DPEP3: variants seen among roughly 807,000 people sequenced by gnomAD.
The protein encoded by DPEP3 is dipeptidase 3.
In DPEP3, 42 loss-of-function variants were observed where a neutral mutation model predicts 47.5. The observed-to-expected ratio is 0.88, with a 90% CI of 0.69 to 1.14. The LOEUF (loss-of-function observed/expected upper bound fraction) is 1.14. DPEP3 is among the 50% of genes most tolerant of loss of function. The pLI is 0.00. For missense variants in DPEP3, 560 were observed against 635.0 expected, an observed-to-expected ratio of 0.88 and a Z score of 1.27; for synonymous variants, 276 against 270.2, an observed-to-expected ratio of 1.02 and a Z score of -0.21.
Position 67,976,287 on chromosome 16 carries a change from C to T in DPEP3, c.1095-59G>A, listed in dbSNP as rs575587348. On this transcript the variant is annotated intron_variant, in intron 8 of 9. Coordinates refer to ENST00000268793, the MANE Select transcript of DPEP3 (RefSeq NM_001370198.1). ...TTAGCCCTGATCCTGGGTTGGGGCC[C>T]GCTGCCCACCAGCCCTAGTCACACA... is the stretch of plus-strand genomic sequence containing the variant. The T allele has an allele frequency of 1.0e-4, 162 of 1,601,028 alleles. No homozygotes were observed. The African/African-American group carries it at 1.8e-3, about 17-fold the overall frequency.
rs1051639223 is a variant in DPEP3, at chr16:67,978,865, C to T, written c.415-239G>A. Among the ~76,000 whole-genome samples the T allele has an allele frequency of 1.3e-5, 2 of 152,064 alleles. No homozygotes were observed. The highest frequency in any genetic ancestry group is 4.8e-5 in the African/African-American group (2 of 41,400). On this transcript the variant is annotated intron_variant, in intron 2 of 9. Transcript: ENST00000268793. The surrounding 1 kb of genome is among the most constrained non-coding windows in gnomAD (Gnocchi z 4.4). ...AGAGTGCAGTGGTGTGATCATGGCT[C>T]ACTGCAGCCTTGACCCCCCAGGCTC... is the stretch of plus-strand genomic sequence containing the variant.
chr16:67,980,496 C>G lies in DPEP3; in HGVS notation c.-116G>C. 1 of 1,427,378 alleles carries G rather than the reference C, an allele frequency of 7.0e-7. No individual in the cohort carries two copies. The highest frequency in any genetic ancestry group is 9.2e-7 in the Non-Finnish European group (1 of 1,090,852). 88.4% of individuals were successfully genotyped at this position (1,427,378 alleles called of 1,614,324 possible). A position where few individuals can be genotyped will look rare whatever the true frequency, so the allele number is the denominator to read the frequency against. On this transcript the variant is annotated 5_prime_UTR_variant, in exon 1 of 10. Transcript: ENST00000268793. The stretch of plus-strand genomic sequence containing the variant: ...CGAAGAGGGGGTTGAAGTCACGCGA[C>G]TCTGAGACCGACGCGCCACGCAAGG...
rs377442395 is a variant in DPEP3, at chr16:67,978,714, C to G, written c.415-88G>C. 3 of 1,537,998 alleles carry G rather than the reference C, an allele frequency of 2.0e-6. No individual in the cohort carries two copies. The highest frequency in any genetic ancestry group is 2.7e-5 in the African/African-American group (2 of 73,164). On this transcript the variant is annotated intron_variant, in intron 2 of 9. Coordinates refer to ENST00000268793, the MANE Select transcript of DPEP3 (RefSeq NM_001370198.1). This position sits in a 1 kb window ranked among gnomAD's most constrained non-coding sequence, Gnocchi z 4.4. ...ACTCCTGCCTCAGACCCCATAACAC[C>G]CATTTGGGTCAGTGGCCCCAAGTGA...
chr16:67,980,224 T>G lies in DPEP3; in HGVS notation c.157A>C (p.Ser53Arg), dbSNP rs566313530. The change falls in exon 1 of 10, where the codon AGC becomes CGC. Residue 53 changes from serine (S) to arginine (R), a missense_variant. By Grantham distance (110) the Ser-to-Arg change is moderately radical. Transcript: ENST00000268793. Reference sequence around the variant, plus strand: ...GGGACACCCGGCGTGGTGAAGAGGCTGGGGGAGCCCAGCGTGGAGAGGGCT... The same window carrying G: ...GGGACACCCGGCGTGGTGAAGAGGCGGGGGGAGCCCAGCGTGGAGAGGGCT... ...PRALSTLGSP[S>R]LFTTPGVPSA... 6.2e-7 allele frequency: 1 copy of G among 1,609,680 alleles called. No homozygotes were observed. The highest frequency in any genetic ancestry group is 1.3e-5 in the African/African-American group (1 of 74,898).
intron 7 of DPEP3, 68 bp from the exon 8 acceptor site, chr16:67,976,843 C>T: frequency 1.4e-6 from 2 of 1,391,810 alleles, no homozygotes; most frequent in Non-Finnish European, 2.0e-6. Context: ...GTCCCCAGCA[C>T]TCCAGGCTGT....
chr16:67,977,866 G>A, intron 5 of DPEP3, 37 bp from the exon 6 acceptor site: 1 of 1,613,808 alleles, frequency 6.2e-7, no homozygotes, highest in Non-Finnish European at 8.5e-7. Flanking sequence ...GGGGGAGGGT[G>A]TTGGGGTGCA....
chr16:67,980,168 C>T lies in DPEP3; in HGVS notation c.213G>A (p.Thr71=). The change falls in exon 1 of 10, where the codon ACG becomes ACA. Residue 71 remains threonine (T), a synonymous_variant. Transcript: ENST00000268793. ...GGTCCAGGGTTTTGGGGGTGCCTGG[C>T]GTAGTGAGGCCTGGGGTAGTGAGGG... ...PSALTTPGLT[T]PGTPKTLDLR... The T allele has an allele frequency of 3.7e-6, 6 of 1,611,860 alleles. No individual in the cohort carries two copies. Among genetic ancestry groups the T allele is most frequent in the Non-Finnish European group, 4.2e-6 (5 of 1,179,082 alleles).
At position 67,975,677 on chromosome 16, in the gene DPEP3, G is replaced by A; in HGVS notation, c.*88C>T. On this transcript the variant is annotated 3_prime_UTR_variant, in exon 10 of 10. Transcript: ENST00000268793. Reference sequence around the variant, plus strand: ...GTGCACCTGGCTCCATGTGTAACATGTTTATTCTCAGCATATGCTTGTGAA... The same window carrying A: ...GTGCACCTGGCTCCATGTGTAACATATTTATTCTCAGCATATGCTTGTGAA... 1 of 1,307,588 alleles carries A rather than the reference G, an allele frequency of 7.6e-7. No individual in the cohort carries two copies. Among genetic ancestry groups the A allele is most frequent in the South Asian group, 1.4e-5 (1 of 72,642 alleles). 81.0% of individuals were successfully genotyped at this position (1,307,588 alleles called of 1,614,324 possible).
In DPEP3 at chr16:67,978,230, C is replaced by T; in HGVS notation, c.686+37G>A. 1 of 1,613,286 alleles carries T rather than the reference C, an allele frequency of 6.2e-7. No homozygotes were observed. The highest frequency in any genetic ancestry group is 2.2e-5 in the East Asian group (1 of 44,876). On this transcript the variant is annotated intron_variant, in intron 4 of 9. Transcript: ENST00000268793. This position sits in a 1 kb window ranked among gnomAD's most constrained non-coding sequence, Gnocchi z 4.4. ...GCCAGGAATGGGGCAGTTTCCACAC[C>T]ATGCCATCTAGCATCCTGGCCAGGT...
At position 67,978,236 on chromosome 16, in the gene DPEP3, A is replaced by G. The variant is rs757170907; in HGVS notation, c.686+31T>C. On this transcript the variant is annotated intron_variant, in intron 4 of 9. Transcript: ENST00000268793. The surrounding 1 kb of genome is among the most constrained non-coding windows in gnomAD (Gnocchi z 4.4). ...AATGGGGCAGTTTCCACACCATGCCATCTAGCATCCTGGCCAGGTGTTATG... is the reference window on the plus strand; with the variant it reads ...AATGGGGCAGTTTCCACACCATGCCGTCTAGCATCCTGGCCAGGTGTTATG... 2.7e-5 allele frequency: 44 copies of G among 1,613,604 alleles called. No individual in the cohort carries two copies. The highest frequency in any genetic ancestry group is 2.5e-4 in the South Asian group (23 of 91,084).
In DPEP3 at chr16:67,980,208, G is replaced by T. The variant is rs138005567; in HGVS notation, c.173C>A (p.Pro58Gln). 1.9e-6 allele frequency: 3 copies of T among 1,610,268 alleles called. No homozygotes were observed. Among genetic ancestry groups the T allele is most frequent in the Non-Finnish European group, 2.5e-6 (3 of 1,178,292 alleles). Residue 58 changes from proline (P) to glutamine (Q), a missense_variant, in exon 1 of 10, where the codon CCG becomes CAG. Coordinates refer to ENST00000268793, the MANE Select transcript of DPEP3 (RefSeq NM_001370198.1). ...GGTAGTGAGGGCGCTGGGGACACCC[G>T]GCGTGGTGAAGAGGCTGGGGGAGCC... ...TLGSPSLFTT[P>Q]GVPSALTTPG...
Position 67,980,434 on chromosome 16 carries a change from C to A in DPEP3, c.-54G>T, listed in dbSNP as rs918254284. 6.8e-7 allele frequency: 1 copy of A among 1,475,424 alleles called. No individual in the cohort carries two copies. Among genetic ancestry groups the A allele is most frequent in the African/African-American group, 1.5e-5 (1 of 68,952 alleles). 91.4% of individuals were successfully genotyped at this position (1,475,424 alleles called of 1,614,324 possible). A position where few individuals can be genotyped will look rare whatever the true frequency, so the allele number is the denominator to read the frequency against. On this transcript the variant is annotated 5_prime_UTR_variant, in exon 1 of 10. Coordinates refer to ENST00000268793, the MANE Select transcript of DPEP3 (RefSeq NM_001370198.1). ...GGGAGGAGCAGGCGATGGGCAGAGG[C>A]CGACAATGGGGTCCGGATCATGACG...
chr16:67,980,053 G>A, intron 1 of DPEP3, 41 bp downstream of exon 1: 2 of 1,573,830 alleles, frequency 1.3e-6, no homozygotes, highest in South Asian at 1.2e-5. Context: ...CTGCCCAAGG[G>A]TGTGCTCACC....
Position 67,978,128 on chromosome 16 carries a change from G to A in DPEP3, c.687-121C>T. On this transcript the variant is annotated intron_variant, in intron 4 of 9. Transcript: ENST00000268793. The surrounding 1 kb of genome is among the most constrained non-coding windows in gnomAD (Gnocchi z 4.4). The stretch of plus-strand genomic sequence containing the variant: ...ACAGGTGCAGAACCAGCTGCTTTCT[G>A]GGATTGTGAGGGACCCACTGGGTGT... 6.4e-7 allele frequency: 1 copy of A among 1,568,248 alleles called. No individual in the cohort carries two copies. Among genetic ancestry groups the A allele is most frequent in the Middle Eastern group, 1.7e-4 (1 of 5,744 alleles).
rs751764032 is a variant in DPEP3, at chr16:67,977,725, G to T, written c.861C>A (p.Ile287=). The change falls in exon 6 of 10, where the codon ATC becomes ATA. Residue 287 remains isoleucine (I), a synonymous_variant. Transcript: ENST00000268793. Reference sequence around the variant, plus strand: ...CAGCTCTGGCAGCTGAGTGGGAGAAGATCACAGGAGCCTGAGACACTTCCA... The same window carrying T: ...CAGCTCTGGCAGCTGAGTGGGAGAATATCACAGGAGCCTGAGACACTTCCA... The part of the protein sequence containing the change: ...RVLEVSQAPV[I]FSHSAARAVC... The T allele has an allele frequency of 8.1e-6, 13 of 1,613,164 alleles. No individual in the cohort carries two copies. The highest frequency in any genetic ancestry group is 1.0e-5 in the Non-Finnish European group (12 of 1,179,518).
In DPEP3 at chr16:67,978,722, G is replaced by A. The variant is rs2031257185; in HGVS notation, c.415-96C>T. ...CTCAGACCCCATAACACCCATTTGG[G>A]TCAGTGGCCCCAAGTGAGGCACTAC... On this transcript the variant is annotated intron_variant, in intron 2 of 9. Coordinates refer to ENST00000268793, the MANE Select transcript of DPEP3 (RefSeq NM_001370198.1). This position sits in a 1 kb window ranked among gnomAD's most constrained non-coding sequence, Gnocchi z 4.4. The A allele has an allele frequency of 6.7e-7, 1 of 1,499,116 alleles. No homozygotes were observed. Among genetic ancestry groups the A allele is most frequent in the Non-Finnish European group, 9.1e-7 (1 of 1,102,950 alleles). The allele number at this position is 1,499,116 out of a possible 1,614,324, so 92.9% of individuals were successfully genotyped here. A position where few individuals can be genotyped will look rare whatever the true frequency, so the allele number is the denominator to read the frequency against.
Position 67,980,210 on chromosome 16 carries a change from C to G in DPEP3, c.171G>C (p.Thr57=). 6.2e-7 allele frequency: 1 copy of G among 1,609,652 alleles called. No individual in the cohort carries two copies. The highest frequency in any genetic ancestry group is 8.5e-7 in the Non-Finnish European group (1 of 1,177,998). The change falls in exon 1 of 10, where the codon ACG becomes ACC. Residue 57 remains threonine (T), a synonymous_variant. Coordinates refer to ENST00000268793, the MANE Select transcript of DPEP3 (RefSeq NM_001370198.1). The part of the protein sequence containing the change: ...STLGSPSLFT[T]PGVPSALTTP... ...TAGTGAGGGCGCTGGGGACACCCGG[C>G]GTGGTGAAGAGGCTGGGGGAGCCCA... is the stretch of plus-strand genomic sequence containing the variant.
At position 67,976,728 on chromosome 16, in the gene DPEP3, T is replaced by C; in HGVS notation, c.1066A>G (p.Ile356Val). Residue 356 changes from isoleucine (I) to valine (V), a missense_variant, in exon 8 of 10, where the codon ATT (isoleucine) becomes GTT (valine). Ile to Val is a conservative substitution (Grantham distance 29). Coordinates refer to ENST00000268793, the MANE Select transcript of DPEP3 (RefSeq NM_001370198.1). ...RAVIGSEFIG[I>V]GGNYDGTGRF... Reference sequence around the variant, plus strand: ...CCAGTCCCGTCATAATTTCCACCAATCCCGATGAACTCAGATCCAATGACT... The same window carrying C: ...CCAGTCCCGTCATAATTTCCACCAACCCCGATGAACTCAGATCCAATGACT... 1 of 1,614,002 alleles carries C rather than the reference T, an allele frequency of 6.2e-7. No individual in the cohort carries two copies.
chr16:67,978,377 G>C lies in DPEP3; in HGVS notation c.576C>G (p.Leu192=). 1 of 1,614,070 alleles carries C rather than the reference G, an allele frequency of 6.2e-7. No individual in the cohort carries two copies. Among genetic ancestry groups the C allele is most frequent in the Non-Finnish European group, 8.5e-7 (1 of 1,179,932 alleles). Residue 192 remains leucine (L), a synonymous_variant, in exon 4 of 10, where the codon CTC becomes CTG. Coordinates refer to ENST00000268793, the MANE Select transcript of DPEP3 (RefSeq NM_001370198.1). This position sits in a 1 kb window ranked among gnomAD's most constrained non-coding sequence, Gnocchi z 4.4. The part of the protein sequence containing the change: ...GLNSSQKLAC[L]IGVEGGHSLD... The stretch of plus-strand genomic sequence containing the variant: ...GTGAGTGACCACCCTCCACGCCAAT[G>C]AGGCAGGCCAGCTTTTGAGAGCTGT...
Sources: allele counts gnomAD v4.1 joint callset (sites outside exome capture counted in the v4.1 genomes callset), GRCh38; gene constraint gnomAD v4.1.1; non-coding constraint Gnocchi (gnomAD v3.1); transcripts MANE v1.5; gene names NCBI Gene and HGNC (gene_info 2026-07-23, HGNC 2026-07-21).